ALCAM: variants seen among roughly 807,000 people sequenced by gnomAD.
ALCAM encodes the protein activated leukocyte cell adhesion molecule.
A neutral mutation model predicts 70.9 loss-of-function variants in ALCAM; 30 were observed. The ratio of observed to expected loss-of-function variants is 0.42; its 90% CI spans 0.32 to 0.57. ALCAM has a LOEUF of 0.57. Ranked by LOEUF, ALCAM falls within the 20% of genes least tolerant of loss-of-function variation. ALCAM has a pLI of 0.11. For synonymous variants in ALCAM, 249 were observed against 242.5 expected, an observed-to-expected ratio of 1.03 and a Z score of -0.25; for missense variants, 591 against 695.1, an observed-to-expected ratio of 0.85 and a Z score of 1.68.
At chr3:105,440,411 T>A (rs1336127780) in intron 1 of ALCAM, among the ~76,000 whole-genome samples, 3 of 152,214 alleles carry the variant, frequency 2.0e-5, no homozygotes, top group African/African-American at 7.2e-5. Flanking sequence ...CAGGCTTGTC[T>A]TATTTTGCTT....
intron 5 of ALCAM, 122 bp downstream of exon 5, chr3:105,533,812 G>A (rs776802997): frequency 2.5e-5 from 20 of 812,064 alleles, no homozygotes; most frequent in Non-Finnish European, 3.9e-5. Context: ...TGGTTTCATG[G>A]AAGACAATTT....
chr3:105,395,708 A>G (rs143057474), intron 1 of ALCAM, among the ~76,000 whole-genome samples: 90 of 152,196 alleles, frequency 5.9e-4, no homozygotes, highest in African/African-American at 2.1e-3. Context: ...ACAGAGCTAT[A>G]GTAAGATATG....
chr3:105,447,310 C>T (rs1576168916), intron 1 of ALCAM, among the ~76,000 whole-genome samples: 5 of 152,042 alleles, frequency 3.3e-5, no homozygotes, highest in African/African-American at 4.8e-5. Flanking sequence ...TGAGCTAAGA[C>T]GACAAGATGA....
chr3:105,520,816 T>G (rs987412068), intron 2 of ALCAM, among the ~76,000 whole-genome samples: 1 of 152,184 alleles, frequency 6.6e-6, no homozygotes, highest in Non-Finnish European at 1.5e-5. Flanking sequence ...TGTCTCAATT[T>G]AATTAATCAA....
At chr3:105,462,276 T>G in intron 1 of ALCAM, among the ~76,000 whole-genome samples, 1 of 151,570 alleles carries the variant, frequency 6.6e-6, no homozygotes, top group Admixed American at 6.6e-5. Context: ...CTTTGTTCCT[T>G]GGCTCTTATG....
Position 105,547,232 on chromosome 3 carries a change from G to C in ALCAM, c.1188G>C (p.Leu396=). The C allele has an allele frequency of 6.2e-7, 1 of 1,607,756 alleles. No homozygotes were observed. Among genetic ancestry groups the C allele is most frequent in the Non-Finnish European group, 8.5e-7 (1 of 1,176,906 alleles). ...DAGNYVCETA[L]QEVEGLKKRE... ...GAAACTATGTCTGCGAAACTGCTCT[G>C]CAGGAGGTTGAAGGACTAAAGAAAA... Residue 396 remains leucine, a synonymous_variant, in exon 10 of 16, where the codon CTG becomes CTC. Transcript: ENST00000306107.
chr3:105,424,963 G>A (rs530377866), intron 1 of ALCAM, among the ~76,000 whole-genome samples: 1 of 151,752 alleles, frequency 6.6e-6, no homozygotes, highest in Admixed American at 6.6e-5. Context: ...CATGCAGTAA[G>A]TGGTAGAACT....
At chr3:105,440,144 C>T (rs1208843284) in intron 1 of ALCAM, among the ~76,000 whole-genome samples, 11 of 151,946 alleles carry the variant, frequency 7.2e-5, no homozygotes, top group African/African-American at 9.7e-5. Context: ...TTTGAGGGGA[C>T]CAGGAAAAAA....
intron 1 of ALCAM, among the ~76,000 whole-genome samples, chr3:105,509,636 T>A (rs957941045): frequency 6.6e-6 from 1 of 152,064 alleles, no homozygotes; most frequent in African/African-American, 2.4e-5. Flanking sequence ...CTTTATCAGG[T>A]ATATGGTTTG....
At chr3:105,441,199 A>G (rs1937162133) in intron 1 of ALCAM, among the ~76,000 whole-genome samples, 1 of 152,090 alleles carries the variant, frequency 6.6e-6, no homozygotes, top group South Asian at 2.1e-4. Context: ...TTCTTAATAT[A>G]TAACTTTTCT....
Position 105,367,379 on chromosome 3 carries a change from G to A in ALCAM, c.-30G>A. 1 of 1,612,174 alleles carries A rather than the reference G, an allele frequency of 6.2e-7. No individual in the cohort carries two copies. Among genetic ancestry groups the A allele is most frequent in the East Asian group, 2.2e-5 (1 of 44,838 alleles). On this transcript the variant is annotated 5_prime_UTR_variant, in exon 1 of 16. Coordinates refer to ENST00000306107, the MANE Select transcript of ALCAM (RefSeq NM_001627.4). Reference sequence around the variant, plus strand: ...CGCCCCCTCCTGCGGCGTGGACTCCGTCAGTGGCCCACCAAGAAGGAGGAG... The same window carrying A: ...CGCCCCCTCCTGCGGCGTGGACTCCATCAGTGGCCCACCAAGAAGGAGGAG...
chr3:105,468,820 C>A (rs1030276012), intron 1 of ALCAM, among the ~76,000 whole-genome samples: 14 of 151,184 alleles, frequency 9.3e-5, no homozygotes, highest in Admixed American at 8.0e-4. Context: ...CCCCTGCAAC[C>A]TTTTAGTTAA....
intron 1 of ALCAM, among the ~76,000 whole-genome samples, chr3:105,382,006 G>C (rs1380309166): frequency 6.6e-6 from 1 of 150,614 alleles, no homozygotes; most frequent in African/African-American, 2.4e-5. Flanking sequence ...AGTTACATAT[G>C]CATACATGTG....
intron 1 of ALCAM, among the ~76,000 whole-genome samples, chr3:105,429,248 TGGA>T (rs1936868312): frequency 6.6e-6 from 1 of 151,976 alleles, no homozygotes; most frequent in South Asian, 2.1e-4. Flanking sequence ...GCAAATACAC[TGGA>T]GTTCACTGTC....
At chr3:105,440,098 C>CTA (rs1937138935) in intron 1 of ALCAM, among the ~76,000 whole-genome samples, 1 of 152,164 alleles carries the variant, frequency 6.6e-6, no homozygotes, top group South Asian at 2.1e-4. Flanking sequence ...AGGAACTCTA[C>CTA]TAATCAATGA....
At chr3:105,451,851 T>C (rs1937436659) in intron 1 of ALCAM, among the ~76,000 whole-genome samples, 1 of 152,164 alleles carries the variant, frequency 6.6e-6, no homozygotes, top group Non-Finnish European at 1.5e-5. Context: ...TAAAAGCTTT[T>C]AGGACACTGC....
chr3:105,489,410 CAA>C (rs754894389), intron 1 of ALCAM, among the ~76,000 whole-genome samples: 3 of 152,032 alleles, frequency 2.0e-5, no homozygotes, highest in Non-Finnish European at 4.4e-5. Context: ...ATTGTTCAGT[CAA>C]AAGTCAGACT....
chr3:105,519,138 T>C (rs896339086), intron 1 of ALCAM, among the ~76,000 whole-genome samples: 1 of 152,148 alleles, frequency 6.6e-6, no homozygotes, highest in Non-Finnish European at 1.5e-5. Flanking sequence ...AAGTTCTAAA[T>C]TTTAAAGATT....
At chr3:105,540,268 T>A (rs150404737) in intron 7 of ALCAM, among the ~76,000 whole-genome samples, 166 bp downstream of exon 7, 1 of 150,680 alleles carries the variant, frequency 6.6e-6, no homozygotes, top group African/African-American at 2.4e-5. Context: ...GTTCTTGCCT[T>A]TTTTCTCAAT....
Sources: allele counts gnomAD v4.1 joint callset (sites outside exome capture counted in the v4.1 genomes callset), GRCh38; gene constraint gnomAD v4.1.1; transcripts MANE v1.5; gene names NCBI Gene and HGNC (gene_info 2026-07-23, HGNC 2026-07-21).